The following CNBD1 variants were observed in gnomAD, a reference collection of about 807,000 sequenced individuals.
The protein encoded by CNBD1 is cyclic nucleotide binding domain containing 1.
A neutral mutation model predicts 54.4 loss-of-function variants in CNBD1; 71 were observed. The ratio of observed to expected loss-of-function variants is 1.30; its 90% CI spans 1.08 to 1.59. The LOEUF (loss-of-function observed/expected upper bound fraction) is 1.59. CNBD1 is among the 40% of genes most tolerant of loss of function. The pLI is 0.00. For missense variants in CNBD1, 659 were observed against 518.0 expected, an observed-to-expected ratio of 1.27 and a Z score of -2.64; for synonymous variants, 182 against 170.7, an observed-to-expected ratio of 1.07 and a Z score of -0.51.
Position 87,148,438 on chromosome 8 carries a change from ATTG to A in CNBD1, c.432-57550_432-57548del, listed in dbSNP as rs560872351. Among the ~76,000 whole-genome samples the A allele has an allele frequency of 4.6e-5, 7 of 152,284 alleles. No individual in the cohort carries two copies. The South Asian group carries it at 1.2e-3, about 27-fold the overall frequency. ...AATCCTATGAAGTAGGTTTATTAAT[ATTG>A]TTGTCATTATTTATTTTACAGAACA... is the stretch of plus-strand genomic sequence containing the variant. On this transcript the variant is annotated intron_variant, in intron 4 of 10. Coordinates refer to ENST00000518476, the MANE Select transcript of CNBD1 (RefSeq NM_173538.3).
At chr8:87,117,705 C>A (rs1811803707) in intron 4 of CNBD1, among the ~76,000 whole-genome samples, 2 of 152,174 alleles carry the variant, frequency 1.3e-5, no homozygotes, top group South Asian at 4.1e-4. Flanking sequence ...AAAGACTCAA[C>A]TATTAGTGTA....
intron 4 of CNBD1, among the ~76,000 whole-genome samples, chr8:87,039,286 G>A (rs182092182): frequency 3.3e-5 from 5 of 152,018 alleles, no homozygotes; most frequent in African/African-American, 9.6e-5. Context: ...AAACATTTTA[G>A]AATTTATAAG....
intron 4 of CNBD1, among the ~76,000 whole-genome samples, chr8:87,020,494 C>T (rs1465924897): frequency 6.6e-6 from 1 of 151,998 alleles, no homozygotes; most frequent in Admixed American, 6.6e-5. Flanking sequence ...AGCTTTTTGG[C>T]CAAGAGTGGG....
chr8:87,263,690 A>C (rs1226412811), intron 6 of CNBD1, among the ~76,000 whole-genome samples: 2 of 152,298 alleles, frequency 1.3e-5, no homozygotes, highest in South Asian at 2.1e-4. Flanking sequence ...AAGGCAAACA[A>C]AATTCCTAAC....
chr8:87,210,001 T>C (rs1290948175), intron 5 of CNBD1, among the ~76,000 whole-genome samples: 1 of 152,172 alleles, frequency 6.6e-6, no homozygotes, highest in Non-Finnish European at 1.5e-5. Context: ...TGGGATCTGA[T>C]GGTTTTATAA....
At chr8:86,949,169 A>G (rs988849093) in intron 4 of CNBD1, among the ~76,000 whole-genome samples, 34 of 152,216 alleles carry the variant, frequency 2.2e-4, no homozygotes, top group African/African-American at 7.9e-4. Context: ...AGTATAATTT[A>G]AAGTCAAGTA....
chr8:86,866,501 G>A lies in CNBD1; in HGVS notation c.6G>A (p.Pro2=), dbSNP rs758586542. The A allele has an allele frequency of 3.6e-5, 58 of 1,610,114 alleles. No homozygotes were observed. The East Asian group carries it at 6.3e-4, about 17-fold the overall frequency. Residue 2 remains proline (P), a synonymous_variant, in exon 1 of 11, where the codon CCG becomes CCA. Transcript: ENST00000518476. The part of the protein sequence containing the change: M[P]MSSLPAAILS... ...TCTGCCTTTGAGCCATCAAGATGCCGATGTCTTCTCTTCCAGCAGCTATTT... is the reference window on the plus strand; with the variant it reads ...TCTGCCTTTGAGCCATCAAGATGCCAATGTCTTCTCTTCCAGCAGCTATTT...
chr8:87,285,938 T>C (rs1157067725), intron 7 of CNBD1, among the ~76,000 whole-genome samples: 3 of 152,154 alleles, frequency 2.0e-5, no homozygotes, highest in Non-Finnish European at 1.5e-5. Context: ...TTTCATCTTT[T>C]TTTGAATGAG....
chr8:86,886,922 C>T (rs997937065), intron 1 of CNBD1, among the ~76,000 whole-genome samples: 1 of 152,126 alleles, frequency 6.6e-6, no homozygotes, highest in African/African-American at 2.4e-5. Flanking sequence ...GATGTCCGCC[C>T]ATTCTGGCAC....
In CNBD1 at chr8:87,270,310, A is replaced by T. The variant is rs186365129; in HGVS notation, c.772-14368A>T. On this transcript the variant is annotated intron_variant, in intron 6 of 10. Coordinates refer to ENST00000518476, the MANE Select transcript of CNBD1 (RefSeq NM_173538.3). ...ATTAAAAAGTAGGCAAAGGACATAAACAGACACTTTTCAAAAGAAGACATA... is the reference window on the plus strand; with the variant it reads ...ATTAAAAAGTAGGCAAAGGACATAATCAGACACTTTTCAAAAGAAGACATA... 3.9e-5 allele frequency among the ~76,000 whole-genome samples: 6 copies of T among 152,162 alleles called. No individual in the cohort carries two copies. The East Asian group carries it at 1.2e-3, about 29-fold the overall frequency.
chr8:87,372,624 A>G (rs778348087), intron 10 of CNBD1, among the ~76,000 whole-genome samples: 2 of 151,894 alleles, frequency 1.3e-5, no homozygotes, highest in Admixed American at 1.3e-4. Context: ...AAATCAATCT[A>G]GTAATAGCTT....
chr8:86,885,132 A>G (rs1808663385), intron 1 of CNBD1, among the ~76,000 whole-genome samples: 1 of 152,230 alleles, frequency 6.6e-6, no homozygotes, highest in African/African-American at 2.4e-5. Flanking sequence ...GGGGAAAAAT[A>G]GTTTAGTTAC....
At chr8:87,111,473 G>T (rs1811660638) in intron 4 of CNBD1, among the ~76,000 whole-genome samples, 1 of 152,126 alleles carries the variant, frequency 6.6e-6, no homozygotes, top group Non-Finnish European at 1.5e-5. Flanking sequence ...TACTTACCTT[G>T]TTGCACAGCC....
In CNBD1 at chr8:87,369,190, A is replaced by G. The variant is rs190283460; in HGVS notation, c.1304-13430A>G. 2.6e-5 allele frequency among the ~76,000 whole-genome samples: 4 copies of G among 152,090 alleles called. No individual in the cohort carries two copies. The East Asian group carries it at 7.8e-4, about 30-fold the overall frequency. Reference sequence around the variant, plus strand: ...ATAATGGCCTTCAATGTTCACATGTATTTAGGAAGGAAACATATTTTTCTT... The same window carrying G: ...ATAATGGCCTTCAATGTTCACATGTGTTTAGGAAGGAAACATATTTTTCTT... On this transcript the variant is annotated intron_variant, in intron 10 of 10. Coordinates refer to ENST00000518476, the MANE Select transcript of CNBD1 (RefSeq NM_173538.3).
chr8:87,157,572 T>C (rs1812771896), intron 4 of CNBD1, among the ~76,000 whole-genome samples: 1 of 152,182 alleles, frequency 6.6e-6, no homozygotes, highest in African/African-American at 2.4e-5. Context: ...AGAATAAGCT[T>C]GGCAGATATA....
chr8:87,354,704 G>C (rs180939446), intron 10 of CNBD1, among the ~76,000 whole-genome samples: 2 of 152,042 alleles, frequency 1.3e-5, no homozygotes, highest in South Asian at 2.1e-4. Context: ...ATAGTTTCCA[G>C]CTTCATCCAT....
intron 5 of CNBD1, among the ~76,000 whole-genome samples, chr8:87,223,505 T>C (rs937675277): frequency 3.3e-5 from 5 of 151,978 alleles, no homozygotes; most frequent in Admixed American, 2.0e-4. Flanking sequence ...GGTTTTTTGT[T>C]CTTGCGATAG....
chr8:87,407,914 T>A (rs1807677088), intron 2 of CNBD1, among the ~76,000 whole-genome samples: 1 of 152,048 alleles, frequency 6.6e-6, no homozygotes, highest in Admixed American at 6.6e-5. Context: ...ATCCTCTCCC[T>A]TTTGAGTTGG....
At chr8:87,129,069 C>CAAAAAAA (rs570657716) in intron 4 of CNBD1, among the ~76,000 whole-genome samples, 489 of 26,142 alleles carry the variant, frequency 0.019, 84 homozygotes, top group African/African-American at 0.057. Context: ...GACTCTGCCT[C>CAAAAAAA]AAAAAAAAAA....
Sources: allele counts gnomAD v4.1 joint callset (sites outside exome capture counted in the v4.1 genomes callset), GRCh38; gene constraint gnomAD v4.1.1; transcripts MANE v1.5; gene names NCBI Gene and HGNC (gene_info 2026-07-23, HGNC 2026-07-21).